Variants in FBXO42 observed in about 807,000 individuals in gnomAD.
The protein encoded by FBXO42 is F-box only protein 42.
FBXO42 carries 12 observed loss-of-function variants against 71.7 expected under a neutral mutation model. The ratio of observed to expected loss-of-function variants is 0.17; its 90% CI spans 0.11 to 0.27. The LOEUF (loss-of-function observed/expected upper bound fraction) is 0.27. FBXO42 is among the 10% of genes least tolerant of loss of function. The probability of loss-of-function intolerance (pLI) is 1.00; values close to 1 mark genes in which losing one functional copy is unlikely to be tolerated. For synonymous variants in FBXO42, 325 were observed against 327.5 expected (o/e 0.99, Z 0.08); for missense variants, 707 against 911.9 (o/e 0.78, Z 2.89).
chr1:16,300,153 T>A (rs79173138), intron 3 of FBXO42, among the ~76,000 whole-genome samples: 2,951 of 152,184 alleles, frequency 0.019, 79 homozygotes, highest in African/African-American at 0.068. Flanking sequence ...AAATAGAAAA[T>A]TTTCCTTTCA....
chr1:16,256,753 T>A lies in FBXO42; in HGVS notation c.509A>T (p.Tyr170Phe), dbSNP rs1295903856. Residue 170 changes from tyrosine to phenylalanine, a missense_variant, in exon 5 of 10, where the codon TAT becomes TTT. Transcript: ENST00000375592. ...AGTTGCTCCAGCTTTGGGGGAAGGA[T>A]AGGACCCTAGGGAAAGTCAGTAACA... is the stretch of plus-strand genomic sequence containing the variant. ...EWIRPLASGS[Y>F]PSPKAGATLV... The A allele has an allele frequency of 6.2e-7, 1 of 1,614,036 alleles. No individual in the cohort carries two copies. Among genetic ancestry groups the A allele is most frequent in the Non-Finnish European group, 8.5e-7 (1 of 1,179,978 alleles).
chr1:16,263,927 C>G lies in FBXO42; in HGVS notation c.503-7168G>C, dbSNP rs531908718. ...CCAGGTTCAAGCGATTCTCCTGGCT[C>G]AGCCTCCCGAGTAGCTGGGATTAGA... On this transcript the variant is annotated intron_variant, in intron 4 of 9. Transcript: ENST00000375592. 2.6e-5 allele frequency among the ~76,000 whole-genome samples: 4 copies of G among 151,034 alleles called. No individual in the cohort carries two copies. In the South Asian group the frequency reaches 6.3e-4, roughly 24 times the overall value.
chr1:16,335,470 TAGAG>T (rs775657334), intron 1 of FBXO42, among the ~76,000 whole-genome samples: 1 of 152,100 alleles, frequency 6.6e-6, no homozygotes, highest in Non-Finnish European at 1.5e-5. Context: ...CTGCCACAAT[TAGAG>T]AGAATTAGCT....
In FBXO42 at chr1:16,248,851, AC is replaced by A. The variant is rs1381389010; in HGVS notation, c.*1818del. On this transcript the variant is annotated 3_prime_UTR_variant, in exon 10 of 10. Coordinates refer to ENST00000375592, the MANE Select transcript of FBXO42 (RefSeq NM_018994.3). ...ACAAAGAGCAGTTTCTGGAACACAT[AC>A]CCCTCCCCACAAGCTAGGCTTGGCA... 1 of 152,160 alleles carries A rather than the reference AC, an allele frequency of 6.6e-6. No individual in the cohort carries two copies. Among genetic ancestry groups the A allele is most frequent in the Non-Finnish European group, 1.5e-5 (1 of 68,036 alleles). 9.4% of individuals were successfully genotyped at this position (152,160 alleles called of 1,614,324 possible).
intron 1 of FBXO42, among the ~76,000 whole-genome samples, chr1:16,335,663 C>T (rs930610891): frequency 6.6e-6 from 1 of 151,964 alleles, no homozygotes; most frequent in African/African-American, 2.4e-5. Context: ...GTCAGGAGTT[C>T]GAGACCAGCC....
At chr1:16,276,145 G>A (rs1021995563) in intron 4 of FBXO42, among the ~76,000 whole-genome samples, 1 of 152,038 alleles carries the variant, frequency 6.6e-6, no homozygotes, top group Non-Finnish European at 1.5e-5. Context: ...ACTTTGGGAG[G>A]CCGAGGTGGG....
At chr1:16,319,105 G>A (rs145611244) in intron 1 of FBXO42, among the ~76,000 whole-genome samples, 119 of 152,300 alleles carry the variant, frequency 7.8e-4, no homozygotes, top group South Asian at 5.2e-3. Context: ...ACTGATGAAA[G>A]GAAGAATAAG....
At chr1:16,282,289 G>A (rs552589224) in intron 4 of FBXO42, among the ~76,000 whole-genome samples, 6 of 149,252 alleles carry the variant, frequency 4.0e-5, no homozygotes, top group African/African-American at 7.4e-5. Flanking sequence ...GCAGTGGCGC[G>A]ATCTCGGCTC....
intron 4 of FBXO42, among the ~76,000 whole-genome samples, chr1:16,287,587 C>T (rs915569791): frequency 6.6e-6 from 1 of 152,128 alleles, no homozygotes; most frequent in Non-Finnish European, 1.5e-5. Flanking sequence ...ACTGTAGAGT[C>T]ATTTATTTTT....
intron 4 of FBXO42, among the ~76,000 whole-genome samples, chr1:16,274,961 C>T (rs745934070): frequency 6.6e-6 from 1 of 152,168 alleles, no homozygotes; most frequent in Admixed American, 6.6e-5. Context: ...TGGCAGTAAA[C>T]TGTAAACCAT....
Position 16,249,334 on chromosome 1 carries a change from G to A in FBXO42, c.*1336C>T, listed in dbSNP as rs1056875770. On this transcript the variant is annotated 3_prime_UTR_variant, in exon 10 of 10. Transcript: ENST00000375592. ...AAGTAAAAACCCAAGCCCTATTTGG[G>A]TGACACATGAAGAAGACAAGTGCAA... is the stretch of plus-strand genomic sequence containing the variant. 3.9e-5 allele frequency: 6 copies of A among 152,156 alleles called. No homozygotes were observed. Among genetic ancestry groups the A allele is most frequent in the African/African-American group, 1.4e-4 (6 of 41,422 alleles). 9.4% of individuals were successfully genotyped at this position (152,156 alleles called of 1,614,324 possible). A position where few individuals can be genotyped will look rare whatever the true frequency, so the allele number is the denominator to read the frequency against.
intron 3 of FBXO42, among the ~76,000 whole-genome samples, chr1:16,300,499 T>C (rs906891995): frequency 2.0e-5 from 3 of 152,240 alleles, no homozygotes; most frequent in East Asian, 1.9e-4. Context: ...ATGAATGATA[T>C]GCTTTTGCAT....
intron 3 of FBXO42, among the ~76,000 whole-genome samples, chr1:16,303,173 G>A (rs1279882975): frequency 6.6e-6 from 1 of 152,186 alleles, no homozygotes; most frequent in Non-Finnish European, 1.5e-5. Context: ...CAGTGAGTCA[G>A]GCTGAAAAGG....
At position 16,256,618 on chromosome 1, in the gene FBXO42, GGTGA is replaced by G. The variant is rs761450488; in HGVS notation, c.640_643del (p.Ser214ProfsTer10). The G allele has an allele frequency of 6.2e-7, 1 of 1,613,914 alleles. No individual in the cohort carries two copies. The highest frequency in any genetic ancestry group is 2.2e-5 in the East Asian group (1 of 44,884). Reference sequence around the variant, plus strand: ...CTTTGTGACTTACCAATTTTTAGAGGGTGAGTAAGTGTGTATTTCATCAAAGAAT... The same window carrying G: ...CTTTGTGACTTACCAATTTTTAGAGGGTAAGTGTGTATTTCATCAAAGAAT... On this transcript the variant is annotated frameshift_variant, in exon 5 of 10. Transcript: ENST00000375592. LOFTEE classifies it high-confidence loss of function.
intron 4 of FBXO42, among the ~76,000 whole-genome samples, chr1:16,281,064 G>C (rs1290736181): frequency 1.3e-5 from 2 of 152,180 alleles, no homozygotes; most frequent in Non-Finnish European, 2.9e-5. Flanking sequence ...CCAGATTCAA[G>C]CAATTCTCCT....
Position 16,250,684 on chromosome 1 carries a change from G to C in FBXO42, c.2140C>G (p.Arg714Gly). 2.5e-6 allele frequency: 4 copies of C among 1,613,002 alleles called. No homozygotes were observed. In the East Asian group the frequency reaches 6.7e-5, roughly 27 times the overall value. Residue 714 changes from arginine to glycine, a missense_variant, in exon 10 of 10, where the codon CGA becomes GGA. Coordinates refer to ENST00000375592, the MANE Select transcript of FBXO42 (RefSeq NM_018994.3). This position sits in a 1 kb window ranked among gnomAD's most constrained non-coding sequence, Gnocchi z 4.7. Reference sequence around the variant, plus strand: ...TTTAGAACACATTATCTCTTTGCTCGTACAAAGTACAAGGCGTTTGTTTTT... The same window carrying C: ...TTTAGAACACATTATCTCTTTGCTCCTACAAAGTACAAGGCGTTTGTTTTT... ...YPKTNALYFVRAKR is the reference protein window; with the variant it reads ...YPKTNALYFVGAKR
At chr1:16,345,717 G>A (rs371985596) in intron 1 of FBXO42, among the ~76,000 whole-genome samples, 26 of 151,630 alleles carry the variant, frequency 1.7e-4, no homozygotes, top group Non-Finnish European at 3.4e-4. Flanking sequence ...GCATGGTGGC[G>A]GGCGCCTGTA....
chr1:16,340,387 C>T (rs999465913), intron 1 of FBXO42, among the ~76,000 whole-genome samples: 3 of 151,844 alleles, frequency 2.0e-5, no homozygotes, highest in South Asian at 2.1e-4. Flanking sequence ...AGTGCCATCT[C>T]GGCTCACTGC....
At chr1:16,273,968 T>A (rs1380847411) in intron 4 of FBXO42, among the ~76,000 whole-genome samples, 1 of 152,130 alleles carries the variant, frequency 6.6e-6, no homozygotes, top group East Asian at 1.9e-4. Flanking sequence ...ACCACATAGA[T>A]GAATCTCAAA....
Sources: allele counts gnomAD v4.1 joint callset (sites outside exome capture counted in the v4.1 genomes callset), GRCh38; gene constraint gnomAD v4.1.1; non-coding constraint Gnocchi (gnomAD v3.1); transcripts MANE v1.5; gene names NCBI Gene and HGNC (gene_info 2026-07-23, HGNC 2026-07-21).